Variants in ERC1 observed in about 807,000 individuals in gnomAD.
ERC1 encodes RAB6 interacting protein 2.
ERC1 carries 56 observed loss-of-function variants against 132.0 expected under a neutral mutation model. The observed-to-expected ratio is 0.42, with a 90% CI of 0.34 to 0.53. The LOEUF is 0.53. ERC1 is among the 20% of genes least tolerant of loss of function. The pLI is 0.03. For synonymous variants in ERC1, 478 were observed against 476.1 expected, an observed-to-expected ratio of 1.00 and a Z score of -0.05; for missense variants, 1,202 against 1,349.9, an observed-to-expected ratio of 0.89 and a Z score of 1.72.
chr12:1,137,339 T>G (rs1232968051), intron 7 of ERC1, among the ~76,000 whole-genome samples: 3 of 151,494 alleles, frequency 2.0e-5, no homozygotes, highest in African/African-American at 7.3e-5. Flanking sequence ...CCTTGTGATC[T>G]GCCCATCCTG....
intron 4 of ERC1, among the ~76,000 whole-genome samples, chr12:1,106,666 T>A (rs1270374487): frequency 6.6e-6 from 1 of 152,196 alleles, no homozygotes; most frequent in Non-Finnish European, 1.5e-5. Flanking sequence ...ATCGTTCAGT[T>A]GCATGGTTTT....
At chr12:997,758 GA>G (rs1961234974) in intron 1 of ERC1, among the ~76,000 whole-genome samples, 1 of 152,194 alleles carries the variant, frequency 6.6e-6, no homozygotes, top group Non-Finnish European at 1.5e-5. Context: ...TGGCAGGAAG[GA>G]AGGTACCAGC....
chr12:1,291,974 G>A (rs7958662), intron 15 of ERC1, among the ~76,000 whole-genome samples: 3 of 151,802 alleles, frequency 2.0e-5, no homozygotes, highest in African/African-American at 4.8e-5. Context: ...TTATGTTAGC[G>A]TTTTTCCCTT....
chr12:1,421,030 A>G (rs2092408125), intron 17 of ERC1, among the ~76,000 whole-genome samples: 1 of 151,156 alleles, frequency 6.6e-6, no homozygotes, highest in Non-Finnish European at 1.5e-5. Flanking sequence ...GGGTACAGTG[A>G]TATTTTGATA....
chr12:1,237,920 T>G (rs7980065), intron 13 of ERC1, among the ~76,000 whole-genome samples: 84,190 of 152,088 alleles, frequency 0.55, 26,906 homozygotes, highest in African/African-American at 0.88. Flanking sequence ...ATTTGGAGGG[T>G]TTACTATGTA....
intron 18 of ERC1, among the ~76,000 whole-genome samples, chr12:1,485,577 G>T (rs897450192): frequency 6.6e-6 from 1 of 151,980 alleles, no homozygotes; most frequent in African/African-American, 2.4e-5. Flanking sequence ...TGAGTTTTTT[G>T]TTCATATTCT....
intron 17 of ERC1, among the ~76,000 whole-genome samples, chr12:1,432,320 AT>A (rs1372078409): frequency 6.6e-6 from 1 of 152,234 alleles, no homozygotes; most frequent in Non-Finnish European, 1.5e-5. Flanking sequence ...TTTTTAGCTG[AT>A]GGGCTGTACG....
chr12:1,171,017 A>G (rs904071395), intron 8 of ERC1, among the ~76,000 whole-genome samples: 5 of 152,216 alleles, frequency 3.3e-5, no homozygotes, highest in Admixed American at 2.0e-4. Flanking sequence ...TTTGTTTTAC[A>G]GTTAAAGTGA....
At chr12:1,151,315 G>C (rs1232195104) in intron 8 of ERC1, among the ~76,000 whole-genome samples, 1 of 152,216 alleles carries the variant, frequency 6.6e-6, no homozygotes, top group Non-Finnish European at 1.5e-5. Flanking sequence ...TATTGGGGAA[G>C]AGGGAAGGCT....
chr12:1,243,469 G>A (rs941197859), intron 13 of ERC1, among the ~76,000 whole-genome samples: 10 of 152,058 alleles, frequency 6.6e-5, no homozygotes, highest in Non-Finnish European at 1.3e-4. Context: ...GTAATGAAAC[G>A]TGAGAGATAC....
At chr12:1,007,544 G>C (rs201770974) in intron 1 of ERC1, among the ~76,000 whole-genome samples, 855 of 23,322 alleles carry the variant, frequency 0.037, 13 homozygotes, top group East Asian at 0.35. Flanking sequence ...CTCTCTCTGT[G>C]TGTGTGTGTG....
In ERC1 at chr12:1,339,739, C is replaced by T. The variant is rs2083648448; in HGVS notation, c.2781-32094C>T. Among the ~76,000 whole-genome samples, 3 of 152,236 alleles carry T rather than the reference C, an allele frequency of 2.0e-5. No homozygotes were observed. In the South Asian group the frequency reaches 6.2e-4, roughly 32 times the overall value. ...GTTGTGTTAATACGGATGTGGGTTA[C>T]TGGTGGGGACAGGTCTCTGTGTGCC... On this transcript the variant is annotated intron_variant, in intron 15 of 18. Coordinates refer to ENST00000360905, the MANE Select transcript of ERC1 (RefSeq NM_178040.4).
intron 18 of ERC1, among the ~76,000 whole-genome samples, chr12:1,456,709 T>C (rs1465057302): frequency 2.6e-5 from 4 of 151,744 alleles, no homozygotes; most frequent in Non-Finnish European, 4.4e-5. Flanking sequence ...CATCAGAAGA[T>C]GGAATAAGCA....
chr12:1,390,765 G>A (rs1167718457), intron 16 of ERC1: 5 of 152,218 alleles, frequency 3.3e-5, no homozygotes, highest in Admixed American at 6.5e-5. Flanking sequence ...ACTGGAATAG[G>A]TTGCCCTGCC....
At chr12:1,228,257 G>GT (rs776489905) in intron 12 of ERC1, among the ~76,000 whole-genome samples, 33 of 152,080 alleles carry the variant, frequency 2.2e-4, no homozygotes, top group Admixed American at 1.7e-3. Flanking sequence ...AACATTAATT[G>GT]TTTCAATTCA....
intron 8 of ERC1, among the ~76,000 whole-genome samples, chr12:1,173,474 G>A (rs983045669): frequency 6.6e-6 from 1 of 152,100 alleles, no homozygotes; most frequent in Non-Finnish European, 1.5e-5. Context: ...ATTTAAAAGG[G>A]TATTTTTCTG....
intron 14 of ERC1, among the ~76,000 whole-genome samples, chr12:1,273,830 G>A (rs1266264170): frequency 6.6e-6 from 1 of 152,168 alleles, no homozygotes; most frequent in Non-Finnish European, 1.5e-5. Flanking sequence ...GTAGATACTA[G>A]TTAGTTTTTC....
intron 7 of ERC1, among the ~76,000 whole-genome samples, chr12:1,121,763 A>C (rs1346546145): frequency 0.011 from 59 of 5,372 alleles, 9 homozygotes; most frequent in African/African-American, 0.019. Flanking sequence ...CTCTATCTCT[A>C]TCTATCTCTA....
At chr12:1,000,583 T>G (rs550142860) in intron 1 of ERC1, among the ~76,000 whole-genome samples, 1 of 151,138 alleles carries the variant, frequency 6.6e-6, no homozygotes, top group Non-Finnish European at 1.5e-5. Flanking sequence ...GCCAACATGG[T>G]GAAACCCCGT....
Sources: gnomAD v4.1 joint callset for allele counts (sites outside exome capture counted in the v4.1 genomes callset) on GRCh38, gnomAD v4.1.1 for gene constraint, MANE v1.5 for transcripts, NCBI Gene and HGNC (gene_info 2026-07-23, HGNC 2026-07-21) for gene names.